SUGCT: variants seen among roughly 807,000 people sequenced by gnomAD.
The protein encoded by SUGCT is succinyl-CoA:glutarate CoA-transferase.
In SUGCT, 41 loss-of-function variants were observed where a neutral mutation model predicts 55.0. The observed-to-expected ratio is 0.74, with a 90% CI of 0.58 to 0.97. SUGCT has a LOEUF of 0.97. SUGCT is among the 50% of genes least tolerant of loss of function. The probability of loss-of-function intolerance (pLI) is 0.00; values close to 1 mark genes in which losing one functional copy is unlikely to be tolerated. For synonymous variants in SUGCT, 187 were observed against 200.4 expected (o/e 0.93, Z 0.56); for missense variants, 568 against 547.8 (o/e 1.04, Z -0.37).
intron 8 of SUGCT, among the ~76,000 whole-genome samples, chr7:40,314,587 A>G (rs1263231450): frequency 9.0e-6 from 1 of 111,130 alleles, no homozygotes; most frequent in African/African-American, 3.1e-5. Flanking sequence ...TTTTTAAGAC[A>G]GAGTTTCGCT....
At chr7:40,659,684 A>G (rs1056063994) in intron 12 of SUGCT, among the ~76,000 whole-genome samples, 1 of 152,188 alleles carries the variant, frequency 6.6e-6, no homozygotes, top group Non-Finnish European at 1.5e-5. Context: ...ACTTAACTAA[A>G]TGAAAAACAA....
At chr7:40,396,770 T>TA (rs1207622336) in intron 9 of SUGCT, among the ~76,000 whole-genome samples, 6 of 152,220 alleles carry the variant, frequency 3.9e-5, no homozygotes, top group African/African-American at 1.4e-4. Context: ...AGCATTTACT[T>TA]ATTTTGTTTA....
intron 11 of SUGCT, among the ~76,000 whole-genome samples, chr7:40,477,357 T>TTA (rs1281834355): frequency 1.3e-5 from 2 of 152,074 alleles, no homozygotes; most frequent in Admixed American, 1.3e-4. Flanking sequence ...GTTGGAGTCT[T>TTA]ATTTAGAGAT....
intron 8 of SUGCT, among the ~76,000 whole-genome samples, chr7:40,296,612 C>CGCGTGTGTGT (rs1794164503): frequency 6.9e-6 from 1 of 144,726 alleles, no homozygotes; most frequent in Non-Finnish European, 1.5e-5. Context: ...GTGAGTGACT[C>CGCGTGTGTGT]GTGTGTGTGT....
At chr7:40,824,746 G>A (rs1792228637) in intron 13 of SUGCT, among the ~76,000 whole-genome samples, 2 of 152,152 alleles carry the variant, frequency 1.3e-5, no homozygotes, top group Admixed American at 6.5e-5. Context: ...ATCTTGTTCT[G>A]TCATCCCATA....
At chr7:40,253,347 G>C (rs1224618392) in intron 7 of SUGCT, among the ~76,000 whole-genome samples, 2 of 152,162 alleles carry the variant, frequency 1.3e-5, no homozygotes, top group Non-Finnish European at 2.9e-5. Flanking sequence ...AGTGTTTCCA[G>C]TTACTCTCCA....
intron 9 of SUGCT, among the ~76,000 whole-genome samples, chr7:40,343,102 A>G (rs1052014464): frequency 4.6e-5 from 7 of 152,216 alleles, no homozygotes; most frequent in Non-Finnish European, 1.0e-4. Flanking sequence ...TCTGAAGGCT[A>G]TGCTCTGGAG....
At chr7:40,414,695 T>C (rs1786873855) in intron 9 of SUGCT, among the ~76,000 whole-genome samples, 2 of 151,936 alleles carry the variant, frequency 1.3e-5, no homozygotes, top group South Asian at 2.1e-4. Flanking sequence ...CCACTTGAGA[T>C]CAGGAGTTCG....
chr7:40,994,274 C>T, the SUGCT span, among the ~76,000 whole-genome samples: 7 of 152,030 alleles, frequency 4.6e-5, no homozygotes, highest in East Asian at 1.9e-4. Context: ...AAAGCACATC[C>T]GAGCAAAAGG....
chr7:40,451,876 C>A lies in SUGCT; in HGVS notation c.888+2518C>A, dbSNP rs546043932. Reference sequence around the variant, plus strand: ...ACTCATATTTATTTATTACTCAGAGCCTTGTTATTCAAACTGGGCTTATAG... The same window carrying A: ...ACTCATATTTATTTATTACTCAGAGACTTGTTATTCAAACTGGGCTTATAG... On this transcript the variant is annotated intron_variant, in intron 10 of 13. Coordinates refer to ENST00000335693, the MANE Select transcript of SUGCT (RefSeq NM_001193313.2). 7.8e-4 allele frequency among the ~76,000 whole-genome samples: 118 copies of A among 152,224 alleles called. 1 individual carries two copies. Among genetic ancestry groups the A allele is most frequent in the African/African-American group, 2.7e-3 (113 of 41,536 alleles).
chr7:40,198,107 G>T (rs2150756817), intron 6 of SUGCT, among the ~76,000 whole-genome samples: 1 of 152,214 alleles, frequency 6.6e-6, no homozygotes, highest in East Asian at 1.9e-4. Context: ...AGGGTGATAG[G>T]CAGATATGTG....
rs190686425 is a variant in SUGCT at position 40,416,323 on chromosome 7, A to T, written c.817-32964A>T. On this transcript the variant is annotated intron_variant, in intron 9 of 13. Coordinates refer to ENST00000335693, the MANE Select transcript of SUGCT (RefSeq NM_001193313.2). ...CTTTATTACTATAATTATTAAGCCA[A>T]TTATTTTATTTTCTTATCCTTATTT... 2.6e-3 allele frequency among the ~76,000 whole-genome samples: 395 copies of T among 151,880 alleles called. 3 individuals are homozygous for T. The highest frequency in any genetic ancestry group is 4.3e-3 in the Admixed American group (65 of 15,266).
intron 13 of SUGCT, among the ~76,000 whole-genome samples, chr7:40,776,581 A>C (rs1373748589): frequency 6.6e-6 from 1 of 152,180 alleles, no homozygotes; most frequent in Non-Finnish European, 1.5e-5. Context: ...AGAGGCTATA[A>C]GTTTCATCAA....
intron 13 of SUGCT, chr7:40,808,398 G>A (rs1188734161): frequency 6.6e-6 from 1 of 152,294 alleles, no homozygotes; most frequent in Admixed American, 6.5e-5. Context: ...AGCCAAGGCT[G>A]GATTATCTGC....
At chr7:40,448,961 T>TAG (rs1163648397) in intron 9 of SUGCT, among the ~76,000 whole-genome samples, 1,906 of 143,992 alleles carry the variant, frequency 0.013, 8 homozygotes, top group African/African-American at 0.022. Flanking sequence ...TATATATATA[T>TAG]AGAGAGAGAG....
At chr7:40,772,494 ATATCTATCTATCTATC>A (rs70990644) in intron 13 of SUGCT, among the ~76,000 whole-genome samples, 1,877 of 99,302 alleles carry the variant, frequency 0.019, 33 homozygotes, top group Admixed American at 0.036. Flanking sequence ...TTCTTTTGAA[ATATCTATCTATCTATC>A]TATCTATCTA....
At chr7:40,204,217 C>G (rs1214958142) in intron 6 of SUGCT, among the ~76,000 whole-genome samples, 2 of 151,928 alleles carry the variant, frequency 1.3e-5, no homozygotes, top group Non-Finnish European at 1.5e-5. Flanking sequence ...TCTCAAACTC[C>G]TGGCCTCAAG....
intron 12 of SUGCT, among the ~76,000 whole-genome samples, chr7:40,731,480 A>T (rs1786885172): frequency 6.6e-6 from 1 of 152,202 alleles, no homozygotes; most frequent in Non-Finnish European, 1.5e-5. Flanking sequence ...ATTATCAATT[A>T]TGCCTTTATA....
chr7:41,031,812 A>G, the SUGCT span, among the ~76,000 whole-genome samples: 1 of 152,100 alleles, frequency 6.6e-6, no homozygotes, highest in Admixed American at 6.5e-5. Context: ...CATGCCTGGC[A>G]TATTGTGTGC....
Sources: allele counts gnomAD v4.1 joint callset (sites outside exome capture counted in the v4.1 genomes callset), GRCh38; gene constraint gnomAD v4.1.1; transcripts MANE v1.5; gene names NCBI Gene and HGNC (gene_info 2026-07-23, HGNC 2026-07-21).